Variants in PIK3R3 observed in about 807,000 individuals in gnomAD.
PIK3R3 encodes the protein phosphoinositide-3-kinase regulatory subunit 3, also known as phosphatidylinositol 3-kinase regulatory subunit gamma.
A neutral mutation model predicts 62.9 loss-of-function variants in PIK3R3; 64 were observed. The observed-to-expected ratio is 1.02, with a 90% CI of 0.83 to 1.25. The LOEUF is 1.25. Ranked by LOEUF, PIK3R3 falls within the 50% of genes most tolerant of loss-of-function variation. The probability of loss-of-function intolerance (pLI) is 0.00; values close to 1 mark genes in which losing one functional copy is unlikely to be tolerated. For missense variants in PIK3R3, 614 were observed against 561.6 expected (o/e 1.09, Z -0.94); for synonymous variants, 165 against 189.0 (o/e 0.87, Z 1.04).
chr1:46,086,926 G>A (rs2149422117), intron 1 of PIK3R3, among the ~76,000 whole-genome samples: 1 of 152,276 alleles, frequency 6.6e-6, no homozygotes, highest in Non-Finnish European at 1.5e-5. Context: ...CAACTCACCA[G>A]TCCAGAGAAA....
chr1:46,173,896 G>C, the PIK3R3 span, among the ~76,000 whole-genome samples: 3 of 152,118 alleles, frequency 2.0e-5, no homozygotes, highest in Non-Finnish European at 4.4e-5. Context: ...ACTCATATAG[G>C]GGAGGGAGGC....
At chr1:46,090,457 G>A (rs560318407) in intron 1 of PIK3R3, among the ~76,000 whole-genome samples, 3 of 151,890 alleles carry the variant, frequency 2.0e-5, no homozygotes, top group Admixed American at 6.6e-5. Context: ...TCAGCCTCCC[G>A]GGTAGCTGGA....
intron 4 of PIK3R3, among the ~76,000 whole-genome samples, chr1:46,066,474 A>G (rs531319456): frequency 6.6e-6 from 1 of 152,356 alleles, no homozygotes; most frequent in Non-Finnish European, 1.5e-5. Context: ...AAGTACATGC[A>G]ATAAGATATT....
intron 3 of PIK3R3, among the ~76,000 whole-genome samples, chr1:46,071,498 C>T (rs903166186): frequency 6.6e-6 from 1 of 151,140 alleles, no homozygotes; most frequent in African/African-American, 2.4e-5. Context: ...GAGTTCAAGA[C>T]CAACCTGGCC....
At chr1:46,105,381 C>T (rs1194687186) in intron 1 of PIK3R3, among the ~76,000 whole-genome samples, 1 of 152,070 alleles carries the variant, frequency 6.6e-6, no homozygotes, top group African/African-American at 2.4e-5. Flanking sequence ...CACCTGTAAT[C>T]CTAGCTACTT....
At chr1:46,106,062 C>T (rs1030333114) in intron 1 of PIK3R3, among the ~76,000 whole-genome samples, 1 of 152,124 alleles carries the variant, frequency 6.6e-6, no homozygotes, top group Non-Finnish European at 1.5e-5. Context: ...AATCCACATA[C>T]AGCATTCCCT....
At chr1:46,047,526 CA>C (rs1436066395) in intron 7 of PIK3R3, among the ~76,000 whole-genome samples, 1 of 151,662 alleles carries the variant, frequency 6.6e-6, no homozygotes, top group African/African-American at 2.4e-5. Context: ...TGAGGTAAAC[CA>C]GCACACTTTG....
Position 46,091,827 on chromosome 1 carries a change from C to T in PIK3R3, c.107-11077G>A, listed in dbSNP as rs537762654. Among the ~76,000 whole-genome samples the T allele has an allele frequency of 3.9e-5, 6 of 152,314 alleles. No homozygotes were observed. In the East Asian group the frequency reaches 1.2e-3, roughly 29 times the overall value. On this transcript the variant is annotated intron_variant, in intron 1 of 9. Coordinates refer to ENST00000262741, the MANE Select transcript of PIK3R3 (RefSeq NM_003629.4). ...GTAATATTTGCATATAGCTTATGCA[C>T]ATCCTCCCATATACTTTAAGTCATC...
At chr1:46,143,168 G>A in the PIK3R3 span, among the ~76,000 whole-genome samples, 10 of 152,034 alleles carry the variant, frequency 6.6e-5, no homozygotes, top group African/African-American at 1.5e-4. Context: ...TTTCTCCTTC[G>A]CTTCTGCGTG....
At chr1:46,108,664 T>A (rs1653431985) in intron 1 of PIK3R3, among the ~76,000 whole-genome samples, 1 of 152,166 alleles carries the variant, frequency 6.6e-6, no homozygotes, top group South Asian at 2.1e-4. Flanking sequence ...CAGCCTACAC[T>A]CTTCGTCATA....
rs202220733 is a variant in PIK3R3 at position 46,060,335 on chromosome 1, CA to C, written c.764+1593del. 2.9e-3 allele frequency among the ~76,000 whole-genome samples: 441 copies of C among 151,920 alleles called. 2 individuals are homozygous for C. Among genetic ancestry groups the C allele is most frequent in the East Asian group, 0.02 (104 of 5,142 alleles). On this transcript the variant is annotated intron_variant, in intron 6 of 9. Transcript: ENST00000262741. ...AAACCCCATCTCTACTAAAAAGTAC[CA>C]AAAATTAGCCGGGCATGGTGGGGGG...
chr1:46,148,743 GGAGAGAGAGAGAGA>G, the PIK3R3 span, among the ~76,000 whole-genome samples: 7 of 143,364 alleles, frequency 4.9e-5, no homozygotes, highest in African/African-American at 7.6e-5. Flanking sequence ...CCAAGATTTT[GGAGAGAGAGAGAGA>G]GAGAGAGAGA....
chr1:46,050,028 G>C (rs1647224258), intron 7 of PIK3R3, among the ~76,000 whole-genome samples: 2 of 151,468 alleles, frequency 1.3e-5, no homozygotes, highest in South Asian at 4.2e-4. Flanking sequence ...GGCTGATGCA[G>C]GAGAAGTGCT....
At chr1:46,102,803 TAAAAAAAAAAAAA>T (rs33975572) in intron 1 of PIK3R3, among the ~76,000 whole-genome samples, 6 of 55,766 alleles carry the variant, frequency 1.1e-4, no homozygotes, top group Admixed American at 3.0e-4. Context: ...GTATATATCT[TAAAAAAAAAAAAA>T]AAAAAAAAAA....
At chr1:46,101,095 C>T (rs984882485) in intron 1 of PIK3R3, among the ~76,000 whole-genome samples, 2 of 147,996 alleles carry the variant, frequency 1.4e-5, no homozygotes, top group East Asian at 2.0e-4. Flanking sequence ...TCGTCTGAAC[C>T]CAGAAGGCAG....
chr1:46,063,592 GAA>G (rs1456797038), intron 5 of PIK3R3, among the ~76,000 whole-genome samples: 1 of 152,120 alleles, frequency 6.6e-6, no homozygotes, highest in Middle Eastern at 3.2e-3. Flanking sequence ...ACAGCAAAGG[GAA>G]AAGTATTTGA....
At chr1:46,068,198 G>A (rs1259176789) in intron 3 of PIK3R3, among the ~76,000 whole-genome samples, 2 of 152,086 alleles carry the variant, frequency 1.3e-5, no homozygotes, top group Non-Finnish European at 2.9e-5. Context: ...ACATGAGAAG[G>A]ACCATCTAAT....
intron 7 of PIK3R3, among the ~76,000 whole-genome samples, chr1:46,051,217 A>G (rs180905596): frequency 6.6e-6 from 1 of 152,268 alleles, no homozygotes; most frequent in African/African-American, 2.4e-5. Flanking sequence ...ATAAAGTTGT[A>G]AAAGCAAAAA....
At chr1:46,158,712 G>C in the PIK3R3 span, among the ~76,000 whole-genome samples, 1 of 152,202 alleles carries the variant, frequency 6.6e-6, no homozygotes, top group Non-Finnish European at 1.5e-5. Flanking sequence ...CAGAGAAACA[G>C]AACTGGGATG....
Sources: allele counts gnomAD v4.1 joint callset (sites outside exome capture counted in the v4.1 genomes callset), GRCh38; gene constraint gnomAD v4.1.1; transcripts MANE v1.5; gene names NCBI Gene and HGNC (gene_info 2026-07-23, HGNC 2026-07-21).